Variants in CLCN2 observed in about 807,000 individuals in gnomAD.
The protein encoded by CLCN2 is chloride voltage-gated channel 2.
In CLCN2, 72 loss-of-function variants were observed where a neutral mutation model predicts 108.3. The ratio of observed to expected loss-of-function variants is 0.66; its 90% CI spans 0.55 to 0.81. The LOEUF (loss-of-function observed/expected upper bound fraction) is 0.81, where lower values mean the gene tolerates loss of function less well. CLCN2 is among the 30% of genes least tolerant of loss of function. The pLI is 0.00. For synonymous variants in CLCN2, 471 were observed against 467.1 expected, an observed-to-expected ratio of 1.01 and a Z score of -0.11; for missense variants, 1,048 against 1,205.2, an observed-to-expected ratio of 0.87 and a Z score of 1.93.
At position 184,346,778 on chromosome 3, in the gene CLCN2, G is replaced by C. The variant is rs1477651863; in HGVS notation, c.2525C>G (p.Ser842Cys). 2 of 1,614,138 alleles carry C rather than the reference G, an allele frequency of 1.2e-6. No individual in the cohort carries two copies. Among genetic ancestry groups the C allele is most frequent in the Admixed American group, 3.3e-5 (2 of 60,028 alleles). The change falls in exon 24 of 24, where the codon TCT becomes TGT. Residue 842 changes from serine (S) to cysteine (C), a missense_variant. By Grantham distance (112) the Ser-to-Cys change is moderately radical. Coordinates refer to ENST00000265593, the MANE Select transcript of CLCN2 (RefSeq NM_004366.6). This position sits in a 1 kb window ranked among gnomAD's most constrained non-coding sequence, Gnocchi z 6.0. ...GACTTTCACACCCTGTGCTGTGACAGAGCCCTCGATGGCCTTCCGGAGCTG... is the reference window on the plus strand; with the variant it reads ...GACTTTCACACCCTGTGCTGTGACACAGCCCTCGATGGCCTTCCGGAGCTG... ...LKELRKAIEG[S>C]VTAQGVKVRP...
Position 184,354,184 on chromosome 3 carries a change from C to G in CLCN2, c.1638G>C (p.Gln546His). ...TGTCATAGAGGGAGGGCTGCAGACT[C>G]TGGGCGACAGCGTTGGCCAGGATGA... ...IAVILANAVA[Q>H]SLQPSLYDSI... is the part of the protein sequence containing the mutation. Residue 546 changes from glutamine (Q) to histidine (H), a missense_variant, in exon 15 of 24, where the codon CAG (glutamine) becomes CAC (histidine). Coordinates refer to ENST00000265593, the MANE Select transcript of CLCN2 (RefSeq NM_004366.6). The G allele has an allele frequency of 6.2e-7, 1 of 1,613,434 alleles. No homozygotes were observed. Among genetic ancestry groups the G allele is most frequent in the Non-Finnish European group, 8.5e-7 (1 of 1,179,974 alleles).
chr3:184,356,586 C>T, intron 10 of CLCN2: 1 of 189,688 alleles, frequency 5.3e-6, no homozygotes, highest in Non-Finnish European at 1.1e-5. Context: ...TTGCGGTGAG[C>T]CGAGATCGCA....
rs375831699 is a variant in CLCN2 at position 184,356,984 on chromosome 3, G to A, written c.1085+9C>T. 58 of 1,602,322 alleles carry A rather than the reference G, an allele frequency of 3.6e-5. No individual in the cohort carries two copies. The highest frequency in any genetic ancestry group is 1.6e-4 in the African/African-American group (12 of 74,710). On this transcript the variant is annotated intron_variant, in intron 10 of 23. Coordinates refer to ENST00000265593, the MANE Select transcript of CLCN2 (RefSeq NM_004366.6). The stretch of plus-strand genomic sequence containing the variant: ...AAAGCAGCCTGGAGAGGAGCCGAGA[G>A]CCACTCACTTCCTCATGAGGAAGCG...
intron 22 of CLCN2, chr3:184,347,331 C>G: frequency 2.3e-6 from 1 of 434,560 alleles, no homozygotes; most frequent in Middle Eastern, 7.1e-4. Flanking sequence ...ACTGTTCACA[C>G]GTGAAATCTA....
chr3:184,357,826 C>T lies in CLCN2; in HGVS notation c.646G>A (p.Ala216Thr), dbSNP rs1174540986. 1 of 1,613,870 alleles carries T rather than the reference C, an allele frequency of 6.2e-7. No homozygotes were observed. Among genetic ancestry groups the T allele is most frequent in the Non-Finnish European group, 8.5e-7 (1 of 1,180,044 alleles). ...GAGAGGAACTTGCTGAGAAGGGCAG[C>T]ACACATGCTTGCGATATGCACAAAA... The part of the protein sequence containing the change: ...GPFVHIASMC[A>T]ALLSKFLSLF... The change falls in exon 6 of 24, where the codon GCT becomes ACT. Residue 216 changes from alanine (A) to threonine (T), a missense_variant. By Grantham distance (58) the Ala-to-Thr change is moderately conservative. Transcript: ENST00000265593.
chr3:184,349,538 C>G (rs1338520386), intron 22 of CLCN2: 1 of 152,276 alleles, frequency 6.6e-6, no homozygotes, highest in East Asian at 1.9e-4. Context: ...TCCTGAGTAG[C>G]TTGGACTACA....
At chr3:184,356,459 G>A (rs1728553122) in intron 10 of CLCN2, 1 of 165,702 alleles carries the variant, frequency 6.0e-6, no homozygotes, top group Non-Finnish European at 1.3e-5. Context: ...TGACCAACGT[G>A]GCGAAACTGT....
At chr3:184,347,432 C>G (rs1194106360) in intron 22 of CLCN2, 1 of 340,944 alleles carries the variant, frequency 2.9e-6, no homozygotes, top group Non-Finnish European at 5.7e-6. Context: ...CAGCATGGGG[C>G]TCAACAGTGA....
intron 15 of CLCN2, 130 bp from the exon 16 acceptor site, chr3:184,353,925 C>T: frequency 6.9e-7 from 1 of 1,453,696 alleles, no homozygotes. Context: ...CCAAGGGGTG[C>T]TCCCACCCTT....
chr3:184,357,309 G>A, intron 8 of CLCN2, 43 bp from the exon 9 acceptor site: 1 of 1,613,962 alleles, frequency 6.2e-7, no homozygotes, highest in Non-Finnish European at 8.5e-7. Flanking sequence ...TAGCCTCGTG[G>A]GCCCCCTACC....
At chr3:184,354,842 TG>T (rs552045031) in intron 13 of CLCN2, 61 bp downstream of exon 13, 33 of 1,556,532 alleles carry the variant, frequency 2.1e-5, no homozygotes, top group South Asian at 8.9e-5. Flanking sequence ...GAGGGTTGGC[TG>T]GGGGGGTGGC....
chr3:184,346,986 A>G lies in CLCN2; in HGVS notation c.2451T>C (p.His817=), dbSNP rs772885520. ...HTIFSLLGVD[H]AYVTSIGRLI... is the part of the protein sequence containing the mutation. ...GTCTGCCAATACTGGTGACATAAGC[A>G]TGGTCCACTCCCAGCAGTGAGAAGA... is the stretch of plus-strand genomic sequence containing the variant. The change falls in exon 23 of 24, where the codon CAT becomes CAC. Residue 817 remains histidine (H), a synonymous_variant. Coordinates refer to ENST00000265593, the MANE Select transcript of CLCN2 (RefSeq NM_004366.6). This position sits in a 1 kb window ranked among gnomAD's most constrained non-coding sequence, Gnocchi z 6.0. 1.2e-6 allele frequency: 2 copies of G among 1,614,108 alleles called. No homozygotes were observed. The highest frequency in any genetic ancestry group is 1.7e-5 in the Admixed American group (1 of 60,018).
Position 184,361,560 on chromosome 3 carries a change from G to C in CLCN2, c.-81C>G. ...GCTCCCGGCCCGCAAAGTCCGCGCC[G>C]GCAGCCGTCCCGTCCCCGCAGCCCG... On this transcript the variant is annotated 5_prime_UTR_variant, in exon 1 of 24. Transcript: ENST00000265593. This position sits in a 1 kb window ranked among gnomAD's most constrained non-coding sequence, Gnocchi z 6.6. 2 of 1,512,774 alleles carry C rather than the reference G, an allele frequency of 1.3e-6. No individual in the cohort carries two copies. The highest frequency in any genetic ancestry group is 1.8e-6 in the Non-Finnish European group (2 of 1,106,510). 93.7% of individuals were successfully genotyped at this position (1,512,774 alleles called of 1,614,324 possible). A position where few individuals can be genotyped will look rare whatever the true frequency, so the allele number is the denominator to read the frequency against.
chr3:184,347,149 C>T, intron 22 of CLCN2, 128 bp from the exon 23 acceptor site: 1 of 780,018 alleles, frequency 1.3e-6, no homozygotes, highest in Non-Finnish European at 2.3e-6. Flanking sequence ...GGGAAGGAGA[C>T]AGGACTGCTG....
Position 184,358,017 on chromosome 3 carries a change from G to A in CLCN2, c.560C>T (p.Ala187Val). ...GGCGCAGGTCAGCCCAATGACCTTA[G>A]CTATAAAGGTCTTGAGTGTGAGGTA... ...KEYLTLKTFI[A>V]KVIGLTCALG... Residue 187 changes from alanine (A) to valine (V), a missense_variant, in exon 5 of 24, where the codon GCT becomes GTT. Physicochemically the swap from Ala to Val is moderately conservative, Grantham distance 64. Coordinates refer to ENST00000265593, the MANE Select transcript of CLCN2 (RefSeq NM_004366.6). 1 of 1,614,074 alleles carries A rather than the reference G, an allele frequency of 6.2e-7. No homozygotes were observed. Among genetic ancestry groups the A allele is most frequent in the Non-Finnish European group, 8.5e-7 (1 of 1,180,018 alleles).
intron 13 of CLCN2, 42 bp downstream of exon 13, chr3:184,354,862 G>A: frequency 6.3e-7 from 1 of 1,599,458 alleles, no homozygotes; most frequent in Non-Finnish European, 8.6e-7. Flanking sequence ...GCCAGAGGCT[G>A]AGGAAGGTGC....
intron 22 of CLCN2, among the ~76,000 whole-genome samples, chr3:184,350,750 CTG>C (rs1190395152): frequency 6.6e-6 from 1 of 152,168 alleles, no homozygotes; most frequent in Non-Finnish European, 1.5e-5. Context: ...TACTTATTAG[CTG>C]TGTGTCCTTG....
At position 184,347,514 on chromosome 3, in the gene CLCN2, G is replaced by A. The variant is rs116411167; in HGVS notation, c.2416-493C>T. The A allele has an allele frequency of 7.9e-4, 214 of 271,712 alleles. 1 individual carries two copies. Among genetic ancestry groups the A allele is most frequent in the African/African-American group, 4.1e-3 (186 of 45,488 alleles). 16.8% of individuals were successfully genotyped at this position (271,712 alleles called of 1,614,324 possible). On this transcript the variant is annotated intron_variant, in intron 22 of 23. Transcript: ENST00000265593. ...GTCACTTTTCATCACACCGGAGAGG[G>A]ACGCACAACCCCAGTCCTGTTTAGT...
At position 184,361,587 on chromosome 3, in the gene CLCN2, G is replaced by A. The variant is rs1260013939; in HGVS notation, c.-108C>T. ...CAGCCGTCCCGTCCCCGCAGCCCGG[G>A]AGGCCGAGAGCAGAGTGCGGCGGGC... On this transcript the variant is annotated 5_prime_UTR_variant, in exon 1 of 24. Coordinates refer to ENST00000265593, the MANE Select transcript of CLCN2 (RefSeq NM_004366.6). The surrounding 1 kb of genome is among the most constrained non-coding windows in gnomAD (Gnocchi z 6.6). 2 of 1,251,614 alleles carry A rather than the reference G, an allele frequency of 1.6e-6. No homozygotes were observed. Among genetic ancestry groups the A allele is most frequent in the East Asian group, 2.6e-5 (1 of 38,602 alleles). 77.5% of individuals were successfully genotyped at this position (1,251,614 alleles called of 1,614,324 possible).
Sources: gnomAD v4.1 joint callset for allele counts (sites outside exome capture counted in the v4.1 genomes callset) on GRCh38, gnomAD v4.1.1 for gene constraint, Gnocchi (gnomAD v3.1) non-coding constraint, MANE v1.5 for transcripts, NCBI Gene and HGNC (gene_info 2026-07-23, HGNC 2026-07-21) for gene names.